Variants in SCFD2 observed in about 807,000 individuals in gnomAD.
The protein encoded by SCFD2 is sec1 family domain-containing protein 2.
A neutral mutation model predicts 58.9 loss-of-function variants in SCFD2; 54 were observed. That is an observed-to-expected ratio of 0.92 (90% CI 0.74 to 1.15). The LOEUF (loss-of-function observed/expected upper bound fraction) is 1.15. Ranked by LOEUF, SCFD2 falls within the 50% of genes most tolerant of loss-of-function variation. The pLI is 0.00. For missense variants in SCFD2, 805 were observed against 836.6 expected, an observed-to-expected ratio of 0.96 and a Z score of 0.47; for synonymous variants, 321 against 335.9, an observed-to-expected ratio of 0.96 and a Z score of 0.49.
chr4:52,968,330 C>T (rs1214684779), intron 5 of SCFD2, among the ~76,000 whole-genome samples: 1 of 152,184 alleles, frequency 6.6e-6, no homozygotes, highest in Non-Finnish European at 1.5e-5. Flanking sequence ...AAGTCAGAGG[C>T]TGCATCAGGG....
chr4:53,318,824 C>T (rs1051110975), intron 2 of SCFD2, among the ~76,000 whole-genome samples: 2 of 151,996 alleles, frequency 1.3e-5, no homozygotes, highest in Admixed American at 6.6e-5. Context: ...TCACTCCATT[C>T]TATTTCAAAA....
chr4:53,088,244 A>G (rs549158465), intron 5 of SCFD2, among the ~76,000 whole-genome samples: 109 of 152,208 alleles, frequency 7.2e-4, no homozygotes, highest in Non-Finnish European at 1.3e-3. Context: ...CCCAAAGATG[A>G]TTCCAGAGAT....
chr4:52,924,516 G>T (rs1297350626), intron 5 of SCFD2, among the ~76,000 whole-genome samples: 1 of 152,124 alleles, frequency 6.6e-6, no homozygotes, highest in Non-Finnish European at 1.5e-5. Flanking sequence ...TATTTTTCAA[G>T]CCAACTGTAC....
chr4:53,089,875 A>T (rs1039874437), intron 5 of SCFD2, among the ~76,000 whole-genome samples: 2 of 152,210 alleles, frequency 1.3e-5, no homozygotes, highest in African/African-American at 4.8e-5. Context: ...ATTTCTTAAG[A>T]TGTGAAGTTA....
At chr4:53,125,052 T>C (rs1725585108) in intron 5 of SCFD2, among the ~76,000 whole-genome samples, 1 of 152,176 alleles carries the variant, frequency 6.6e-6, no homozygotes, top group Non-Finnish European at 1.5e-5. Context: ...CAACCCTGTG[T>C]GGCAATACAA....
chr4:53,339,366 T>C (rs1733788841), intron 2 of SCFD2, among the ~76,000 whole-genome samples: 1 of 150,348 alleles, frequency 6.7e-6, no homozygotes, highest in African/African-American at 2.4e-5. Context: ...ATATTACATA[T>C]TATATATATG....
chr4:53,027,376 G>A (rs549212188), intron 5 of SCFD2, among the ~76,000 whole-genome samples: 7 of 152,182 alleles, frequency 4.6e-5, no homozygotes, highest in Admixed American at 1.3e-4. Context: ...GTTTTCCAAC[G>A]TCCTTGGATA....
chr4:53,294,817 T>A (rs1731967266), intron 3 of SCFD2, among the ~76,000 whole-genome samples: 1 of 151,682 alleles, frequency 6.6e-6, no homozygotes, highest in Non-Finnish European at 1.5e-5. Flanking sequence ...GATTTTTGTG[T>A]AGGTGTAAGG....
rs1289501612 is a variant in SCFD2 at position 52,873,892 on chromosome 4, G to T, written c.*77C>A. The T allele has an allele frequency of 7.0e-6, 7 of 998,936 alleles. No individual in the cohort carries two copies. Among genetic ancestry groups the T allele is most frequent in the East Asian group, 2.4e-5 (1 of 41,934 alleles). The allele number at this position is 998,936 out of a possible 1,614,324, so 61.9% of individuals were successfully genotyped here. A position where few individuals can be genotyped will look rare whatever the true frequency, so the allele number is the denominator to read the frequency against. On this transcript the variant is annotated 3_prime_UTR_variant, in exon 9 of 9. Transcript: ENST00000401642. ...ATTAGTGACAGGGACGCTGGTTGTGGAGGAGTATTTGGAGTGGTGGCAGAA... is the reference window on the plus strand; with the variant it reads ...ATTAGTGACAGGGACGCTGGTTGTGTAGGAGTATTTGGAGTGGTGGCAGAA...
chr4:53,179,807 C>T (rs62325045), intron 4 of SCFD2, among the ~76,000 whole-genome samples: 2 of 152,054 alleles, frequency 1.3e-5, no homozygotes, highest in Admixed American at 6.5e-5. Context: ...TGGAGGAAGA[C>T]CTACCAAGCA....
chr4:52,943,372 T>C (rs182517488), intron 5 of SCFD2, among the ~76,000 whole-genome samples: 70 of 152,310 alleles, frequency 4.6e-4, no homozygotes, highest in African/African-American at 1.7e-3. Context: ...ATAAAGAACA[T>C]AAATTTACTT....
Position 53,273,815 on chromosome 4 carries a change from T to C in SCFD2, c.1311+11A>G. 2.5e-6 allele frequency: 4 copies of C among 1,604,084 alleles called. No individual in the cohort carries two copies. The highest frequency in any genetic ancestry group is 1.1e-5 in the South Asian group (1 of 88,902). On this transcript the variant is annotated intron_variant, in intron 4 of 8. Coordinates refer to ENST00000401642, the MANE Select transcript of SCFD2 (RefSeq NM_152540.4). ...TTATTAAGATCCCACGAGGTTCCCA[T>C]AGCAACATACCTGAAGAAGGAGCCT...
At chr4:53,046,967 C>T (rs1723057338) in intron 5 of SCFD2, among the ~76,000 whole-genome samples, 3 of 152,078 alleles carry the variant, frequency 2.0e-5, no homozygotes, top group African/African-American at 2.4e-5. Context: ...CCACTGTGCC[C>T]GACCAAAGCT....
intron 8 of SCFD2, among the ~76,000 whole-genome samples, chr4:52,878,884 G>A (rs1374309586): frequency 6.6e-6 from 1 of 152,086 alleles, no homozygotes; most frequent in Non-Finnish European, 1.5e-5. Context: ...CTCAGTATTA[G>A]AAATCAGAGG....
intron 6 of SCFD2, among the ~76,000 whole-genome samples, chr4:52,909,775 A>C (rs1474717903): frequency 6.6e-6 from 1 of 152,174 alleles, no homozygotes; most frequent in African/African-American, 2.4e-5. Flanking sequence ...GAAGTAGGAG[A>C]CATTTATTTT....
At chr4:53,291,814 G>A (rs1262948106) in intron 3 of SCFD2, among the ~76,000 whole-genome samples, 9 of 151,928 alleles carry the variant, frequency 5.9e-5, no homozygotes, top group Non-Finnish European at 1.3e-4. Context: ...AGAGAACTCA[G>A]AAATAAGACC....
chr4:52,914,661 C>T (rs1242448474), intron 6 of SCFD2, among the ~76,000 whole-genome samples: 1 of 152,134 alleles, frequency 6.6e-6, no homozygotes. Flanking sequence ...GGCCCACATT[C>T]CTTTTGAGGG....
At chr4:53,122,863 T>C (rs1298291088) in intron 5 of SCFD2, among the ~76,000 whole-genome samples, 1 of 152,148 alleles carries the variant, frequency 6.6e-6, no homozygotes, top group African/African-American at 2.4e-5. Context: ...TTAATATTAT[T>C]ATGGTCAACT....
At chr4:52,924,691 C>A (rs897123819) in intron 5 of SCFD2, among the ~76,000 whole-genome samples, 2 of 152,106 alleles carry the variant, frequency 1.3e-5, no homozygotes, top group African/African-American at 4.8e-5. Flanking sequence ...GAAGGATTTA[C>A]ATTTATTTTC....
Sources: allele counts gnomAD v4.1 joint callset (sites outside exome capture counted in the v4.1 genomes callset), GRCh38; gene constraint gnomAD v4.1.1; transcripts MANE v1.5; gene names NCBI Gene and HGNC (gene_info 2026-07-23, HGNC 2026-07-21).